The following PRICKLE1 variants were observed in gnomAD, a reference collection of about 807,000 sequenced individuals.
PRICKLE1 encodes prickle planar cell polarity protein 1.
Under a neutral mutation model 70.2 loss-of-function variants are expected in PRICKLE1, and 14 were observed. That is an observed-to-expected ratio of 0.20 (90% CI 0.13 to 0.31). The LOEUF (loss-of-function observed/expected upper bound fraction) is 0.31. Ranked by LOEUF, PRICKLE1 falls within the 10% of genes least tolerant of loss-of-function variation. The pLI, the probability that PRICKLE1 is intolerant of heterozygous loss-of-function variation, is 1.00. For missense variants in PRICKLE1, 821 were observed against 1,026.2 expected (o/e 0.80, Z 2.73); for synonymous variants, 357 against 379.9 (o/e 0.94, Z 0.70).
At chr12:42,500,271 A>G (rs1203286755) in intron 1 of PRICKLE1, among the ~76,000 whole-genome samples, 1 of 152,220 alleles carries the variant, frequency 6.6e-6, no homozygotes, top group Non-Finnish European at 1.5e-5. Flanking sequence ...GAAGCAGTTC[A>G]TTGTACCATC....
chr12:42,541,110 A>T lies in PRICKLE1; in HGVS notation c.-49+48355T>A, dbSNP rs371715496. Among the ~76,000 whole-genome samples, 3 of 152,330 alleles carry T rather than the reference A, an allele frequency of 2.0e-5. 1 individual carries two copies. The highest frequency in any genetic ancestry group is 7.2e-5 in the African/African-American group (3 of 41,588). On this transcript the variant is annotated intron_variant, in intron 1 of 7. Coordinates refer to ENST00000345127, the MANE Select transcript of PRICKLE1 (RefSeq NM_153026.3). Reference sequence around the variant, plus strand: ...ATTTCAAGAAATATATTAATATACAAATACAGTTGGTAACATAAGATGCAC... The same window carrying T: ...ATTTCAAGAAATATATTAATATACATATACAGTTGGTAACATAAGATGCAC...
chr12:42,528,909 C>T (rs926789313), intron 1 of PRICKLE1, among the ~76,000 whole-genome samples: 4 of 152,186 alleles, frequency 2.6e-5, no homozygotes, highest in East Asian at 3.8e-4. Context: ...GAAAATAATC[C>T]TTGTAGCACC....
Position 42,459,432 on chromosome 12 carries a change from T to A in PRICKLE1, c.*377A>T. ...AAGACCTGAGCCGACCTGACTTACATAAATGACAAACACTAGTGCTTTACA... is the reference window on the plus strand; with the variant it reads ...AAGACCTGAGCCGACCTGACTTACAAAAATGACAAACACTAGTGCTTTACA... On this transcript the variant is annotated 3_prime_UTR_variant, in exon 8 of 8. Coordinates refer to ENST00000345127, the MANE Select transcript of PRICKLE1 (RefSeq NM_153026.3). The A allele has an allele frequency of 2.9e-6, 2 of 694,796 alleles. No homozygotes were observed. The highest frequency in any genetic ancestry group is 5.2e-6 in the Non-Finnish European group (2 of 381,944). 43.0% of individuals were successfully genotyped at this position (694,796 alleles called of 1,614,324 possible). A position where few individuals can be genotyped will look rare whatever the true frequency, so the allele number is the denominator to read the frequency against.
chr12:42,478,522 G>A (rs1275653317), intron 1 of PRICKLE1, among the ~76,000 whole-genome samples: 1 of 152,182 alleles, frequency 6.6e-6, no homozygotes, highest in Non-Finnish European at 1.5e-5. Flanking sequence ...AGATGGCATT[G>A]GGAGGGGGTG....
intron 1 of PRICKLE1, among the ~76,000 whole-genome samples, chr12:42,512,872 C>T (rs146872248): frequency 6.6e-6 from 1 of 152,280 alleles, no homozygotes; most frequent in African/African-American, 2.4e-5. Flanking sequence ...GTTTGGAAGT[C>T]AGGCATTGAC....
In PRICKLE1 at chr12:42,464,135, T is replaced by G. The variant is rs1937975988; in HGVS notation, c.1639+260A>C. 6.6e-6 allele frequency among the ~76,000 whole-genome samples: 1 copy of G among 152,104 alleles called. No homozygotes were observed. Among genetic ancestry groups the G allele is most frequent in the African/African-American group, 2.4e-5 (1 of 41,410 alleles). On this transcript the variant is annotated intron_variant, in intron 7 of 7. Transcript: ENST00000345127. The surrounding 1 kb of genome is among the most constrained non-coding windows in gnomAD (Gnocchi z 4.2). ...CCTCTGCCTCCTGGGTTCAAGCAAT[T>G]CTCTTGCCTCAGCCTCCCGAGTAGC...
chr12:42,477,954 A>C (rs985768487), intron 1 of PRICKLE1, among the ~76,000 whole-genome samples: 1 of 119,074 alleles, frequency 8.4e-6, no homozygotes, highest in Non-Finnish European at 1.7e-5. Flanking sequence ...CCTGCCCTAT[A>C]CTTTTTTTTT....
chr12:42,500,399 C>G (rs180766496), intron 1 of PRICKLE1, among the ~76,000 whole-genome samples: 1 of 152,180 alleles, frequency 6.6e-6, no homozygotes, highest in African/African-American at 2.4e-5. Context: ...AGTATCAGTA[C>G]GTACTAAGCA....
intron 1 of PRICKLE1, among the ~76,000 whole-genome samples, chr12:42,540,118 T>C (rs1374720386): frequency 1.3e-5 from 2 of 152,258 alleles, no homozygotes; most frequent in Non-Finnish European, 2.9e-5. Flanking sequence ...GATGGAAATG[T>C]TTCAAGAGTT....
rs556218718 is a variant in PRICKLE1 at position 42,485,239 on chromosome 12, G to GTTTTTTTTTT, written c.-48-12685_-48-12676dup. 4.0e-4 allele frequency: 40 copies of GTTTTTTTTTT among 100,812 alleles called. 1 individual carries two copies. Among genetic ancestry groups the GTTTTTTTTTT allele is most frequent in the Middle Eastern group, 7.5e-3 (1 of 134 alleles). The allele number at this position is 100,812 out of a possible 1,614,324, so 6.2% of individuals were successfully genotyped here. A position where few individuals can be genotyped will look rare whatever the true frequency, so the allele number is the denominator to read the frequency against. ...AGCTACAAAGTAAGGCAGCTGAGAA[G>GTTTTTTTTTT]TTTTTTTTTTTTTTTTTTTTTTTTT... On this transcript the variant is annotated intron_variant, in intron 1 of 7. Coordinates refer to ENST00000345127, the MANE Select transcript of PRICKLE1 (RefSeq NM_153026.3).
intron 1 of PRICKLE1, among the ~76,000 whole-genome samples, chr12:42,566,504 A>C (rs1940623269): frequency 6.6e-6 from 1 of 152,152 alleles, no homozygotes; most frequent in African/African-American, 2.4e-5. Context: ...CTGCGTAAGA[A>C]CATCTGCATT....
chr12:42,479,753 C>G (rs529455078), intron 1 of PRICKLE1, among the ~76,000 whole-genome samples: 2 of 152,080 alleles, frequency 1.3e-5, no homozygotes, highest in South Asian at 2.1e-4. Context: ...GTCAGGAGTT[C>G]GAGACCAGCC....
At chr12:42,549,994 C>T (rs1464445029) in intron 1 of PRICKLE1, among the ~76,000 whole-genome samples, 1 of 152,240 alleles carries the variant, frequency 6.6e-6, no homozygotes, top group African/African-American at 2.4e-5. Context: ...CAAGTAGCAT[C>T]TCTGCTCTGA....
chr12:42,505,032 C>T (rs536273435), intron 1 of PRICKLE1, among the ~76,000 whole-genome samples: 43 of 152,122 alleles, frequency 2.8e-4, no homozygotes, highest in Non-Finnish European at 5.3e-4. Context: ...CCCAGCTACT[C>T]GGAGGCTGAG....
chr12:42,576,717 T>C (rs1022136678), intron 1 of PRICKLE1, among the ~76,000 whole-genome samples: 1 of 152,188 alleles, frequency 6.6e-6, no homozygotes, highest in African/African-American at 2.4e-5. Context: ...AAAAACTTAA[T>C]CTCAGATATA....
chr12:42,532,624 G>A (rs570943935), intron 1 of PRICKLE1, among the ~76,000 whole-genome samples: 1 of 152,300 alleles, frequency 6.6e-6, no homozygotes, highest in East Asian at 1.9e-4. Flanking sequence ...CCGGCCGGGC[G>A]CGGTGGCTCA....
rs1398430221 is a variant in PRICKLE1 at position 42,457,293 on chromosome 12, G to A, written c.*2516C>T. The A allele has an allele frequency of 4.6e-5, 7 of 152,028 alleles. No individual in the cohort carries two copies. The highest frequency in any genetic ancestry group is 1.0e-4 in the Non-Finnish European group (7 of 68,030). 9.4% of individuals were successfully genotyped at this position (152,028 alleles called of 1,614,324 possible). A position where few individuals can be genotyped will look rare whatever the true frequency, so the allele number is the denominator to read the frequency against. On this transcript the variant is annotated 3_prime_UTR_variant, in exon 8 of 8. Transcript: ENST00000345127. ...TATCTTTTGAGAATGTACTTGAAAA[G>A]TGAGGGCAGTACCTTCACCTTATAC...
intron 1 of PRICKLE1, among the ~76,000 whole-genome samples, chr12:42,527,916 AATATATAT>A (rs1163552624): frequency 0.014 from 283 of 19,812 alleles, 4 homozygotes; most frequent in Non-Finnish European, 0.024. Context: ...TACTCTTTAT[AATATATAT>A]ATATATATAT....
intron 1 of PRICKLE1, among the ~76,000 whole-genome samples, chr12:42,486,578 A>C (rs1938993690): frequency 6.6e-6 from 1 of 152,236 alleles, no homozygotes; most frequent in African/African-American, 2.4e-5. Flanking sequence ...TGTTTGTCAA[A>C]TGTCAGCCAG....
Sources: gnomAD v4.1 joint callset for allele counts (sites outside exome capture counted in the v4.1 genomes callset) on GRCh38, gnomAD v4.1.1 for gene constraint, Gnocchi (gnomAD v3.1) non-coding constraint, MANE v1.5 for transcripts, NCBI Gene and HGNC (gene_info 2026-07-23, HGNC 2026-07-21) for gene names.